The following TBRG4 variants were observed in gnomAD, a reference collection of about 807,000 sequenced individuals.
TBRG4 encodes FAST kinase domain-containing protein 4.
In TBRG4, 43 loss-of-function variants were observed where a neutral mutation model predicts 65.6. The ratio of observed to expected loss-of-function variants is 0.66; its 90% CI spans 0.51 to 0.85. The LOEUF (loss-of-function observed/expected upper bound fraction) is 0.85. Among genes scored for constraint, TBRG4 ranks in the 40% least tolerant of loss-of-function variants. The pLI is 0.00. For synonymous variants in TBRG4, 366 were observed against 341.4 expected (o/e 1.07, Z -0.79); for missense variants, 709 against 787.9 (o/e 0.90, Z 1.20).
At chr7:45,109,690 G>C (rs1387546335) in intron 1 of TBRG4, among the ~76,000 whole-genome samples, 1 of 151,844 alleles carries the variant, frequency 6.6e-6, no homozygotes, top group African/African-American at 2.4e-5. Context: ...AAAAATTACG[G>C]GCTTGGCCAG....
At chr7:45,109,970 C>CA (rs11311938) in intron 1 of TBRG4, among the ~76,000 whole-genome samples, 27,655 of 107,772 alleles carry the variant, frequency 0.26, 3,505 homozygotes, top group Middle Eastern at 0.36. Context: ...GACTCCATCT[C>CA]AAAAAAAAAA....
In TBRG4 at chr7:45,109,270, A is replaced by G; in HGVS notation, c.-33T>C. 6.5e-7 allele frequency: 1 copy of G among 1,537,118 alleles called. No individual in the cohort carries two copies. On this transcript the variant is annotated 5_prime_UTR_variant, in exon 2 of 11. It removes the in-frame stop codon of an upstream open reading frame in the 5' UTR. Transcript: ENST00000258770. ...TGGGTGGCAGAGAGACAAGACTCCT[A>G]GCAAGTGATTCCAAACCCTGAAGAG... is the stretch of plus-strand genomic sequence containing the variant.
At chr7:45,104,287 C>T in intron 4 of TBRG4, 31 bp from the exon 5 acceptor site, 1 of 1,612,674 alleles carries the variant, frequency 6.2e-7, no homozygotes, top group African/African-American at 1.3e-5. Flanking sequence ...CAGGGTTTAG[C>T]TGGAGAGAGT....
chr7:45,102,166 C>A (rs1368050485), intron 7 of TBRG4, 96 bp from the exon 8 acceptor site: 3 of 1,530,110 alleles, frequency 2.0e-6, no homozygotes, highest in Admixed American at 2.1e-5. Flanking sequence ...CCAGTCCCAG[C>A]CCAGTTTTCT....
intron 2 of TBRG4, among the ~76,000 whole-genome samples, chr7:45,108,156 G>C (rs1370859041): frequency 6.6e-6 from 1 of 152,198 alleles, no homozygotes; most frequent in African/African-American, 2.4e-5. Context: ...CTGGAAACAT[G>C]GTTTCAGTGC....
chr7:45,101,160 T>A, intron 10 of TBRG4, 98 bp downstream of exon 10: 1 of 1,189,454 alleles, frequency 8.4e-7, no homozygotes, highest in South Asian at 1.5e-5. Context: ...GGGCAGGGCA[T>A]GTGTCTATAC....
intron 8 of TBRG4, 52 bp downstream of exon 8, chr7:45,101,773 C>T (rs1784772122): frequency 6.3e-7 from 1 of 1,599,232 alleles, no homozygotes; most frequent in Non-Finnish European, 8.5e-7. Flanking sequence ...TAGAAGAGTC[C>T]CGTTAGACTC....
intron 5 of TBRG4, chr7:45,103,760 T>C (rs2128644925): frequency 3.9e-6 from 2 of 518,354 alleles, no homozygotes; most frequent in South Asian, 5.0e-5. Flanking sequence ...AGGTGTCATC[T>C]TTCTGTACAG....
At chr7:45,104,031 A>G in intron 5 of TBRG4, 68 bp downstream of exon 5, 1 of 1,479,674 alleles carries the variant, frequency 6.8e-7, no homozygotes, top group Non-Finnish European at 9.0e-7. Context: ...TTTCCCGACT[A>G]AGGCAATGGT....
In TBRG4 at chr7:45,111,682, C is replaced by T. The variant is rs1012031000; in HGVS notation, c.-90G>A. 3.9e-6 allele frequency: 5 copies of T among 1,289,434 alleles called. No homozygotes were observed. In the Admixed American group the frequency reaches 9.2e-5, roughly 24 times the overall value. The allele number at this position is 1,289,434 out of a possible 1,614,324, so 79.9% of individuals were successfully genotyped here. A position where few individuals can be genotyped will look rare whatever the true frequency, so the allele number is the denominator to read the frequency against. On this transcript the variant is annotated 5_prime_UTR_variant, in exon 1 of 11. Transcript: ENST00000258770. ...CGCTGACCTCCATCCGCCGCCCTAA[C>T]TGTCCCCGGAACCATGAGGTGCGCG...
chr7:45,101,298 G>A lies in TBRG4; in HGVS notation c.1754C>T (p.Ala585Val). 1.2e-6 allele frequency: 2 copies of A among 1,613,998 alleles called. No individual in the cohort carries two copies. The highest frequency in any genetic ancestry group is 1.7e-5 in the Admixed American group (1 of 60,036). The change falls in exon 10 of 11, where the codon GCC (alanine) becomes GTC (valine). Residue 585 changes from alanine (A) to valine (V), a missense_variant. Coordinates refer to ENST00000258770, the MANE Select transcript of TBRG4 (RefSeq NM_004749.4). ...GCCTGCAGCCACTATGTGTCGCCGG[G>A]CCAGAACAAAGCGACCCAGCAAGTC... Reference protein sequence around the residue: ...SKDLLGRFVLARRHIVAAGFL... With the variant: ...SKDLLGRFVLVRRHIVAAGFL...
intron 2 of TBRG4, chr7:45,106,173 A>G (rs1472287240): frequency 6.9e-6 from 3 of 435,204 alleles, no homozygotes; most frequent in Non-Finnish European, 1.4e-5. Flanking sequence ...CTGATCCTCT[A>G]GGCTACAATA....
chr7:45,109,965 C>T (rs1785079149), intron 1 of TBRG4, among the ~76,000 whole-genome samples: 1 of 80,306 alleles, frequency 1.2e-5, no homozygotes, highest in African/African-American at 4.8e-5. Flanking sequence ...TGAGAGACTC[C>T]ATCTCAAAAA....
At chr7:45,107,738 A>G (rs1379998688) in intron 2 of TBRG4, 1 of 154,632 alleles carries the variant, frequency 6.5e-6, no homozygotes, top group East Asian at 1.9e-4. Context: ...TACTTGCCTT[A>G]TAATTTTGTT....
Position 45,102,444 on chromosome 7 carries a change from C to G in TBRG4, c.1224G>C (p.Leu408=). Residue 408 remains leucine (L), a synonymous_variant, in exon 7 of 11, where the codon CTG becomes CTC. Transcript: ENST00000258770. ...GSELPGLEPA[L]QVDLVWALCV... ...ACAGGGCCCACACCAGGTCCACCTG[C>G]AGGGCTGGCTCCAGGCCTGGCAGCT... The G allele has an allele frequency of 6.2e-7, 1 of 1,613,494 alleles. No homozygotes were observed. The highest frequency in any genetic ancestry group is 8.5e-7 in the Non-Finnish European group (1 of 1,180,018).
At chr7:45,103,848 C>A in intron 5 of TBRG4, 1 of 577,638 alleles carries the variant, frequency 1.7e-6, no homozygotes, top group Non-Finnish European at 3.0e-6. Flanking sequence ...ATGCTGCTAC[C>A]TGCTACAGCT....
intron 7 of TBRG4, 24 bp from the exon 8 acceptor site, chr7:45,102,094 G>C (rs1371614213): frequency 6.4e-7 from 1 of 1,564,284 alleles, no homozygotes; most frequent in Non-Finnish European, 8.6e-7. Context: ...AGAAAGAAGA[G>C]GGAGGTGGGC....
intron 1 of TBRG4, among the ~76,000 whole-genome samples, chr7:45,110,468 C>A (rs1481684332): frequency 6.6e-6 from 1 of 152,030 alleles, no homozygotes; most frequent in Non-Finnish European, 1.5e-5. Context: ...AGATCGAGAC[C>A]ATCCTGGCTA....
chr7:45,102,066 GC>G lies in TBRG4; in HGVS notation c.1325del (p.Gly442AlafsTer48). 6.4e-7 allele frequency: 1 copy of G among 1,569,142 alleles called. No individual in the cohort carries two copies. Among genetic ancestry groups the G allele is most frequent in the Non-Finnish European group, 8.6e-7 (1 of 1,164,670 alleles). On this transcript the variant is annotated frameshift_variant, in exon 8 of 11. Coordinates refer to ENST00000258770, the MANE Select transcript of TBRG4 (RefSeq NM_004749.4). LOFTEE classifies it high-confidence loss of function. The part of the protein sequence containing the change: ...HPEFHIQFLG[G>X]KSQKDQNTFQ... ...AGGTGTTCTGATCCTTCTGAGACTT[GC>G]CCCCTAGGAGACAAGGAGAAAGAAG...
Sources: allele counts gnomAD v4.1 joint callset (sites outside exome capture counted in the v4.1 genomes callset), GRCh38; gene constraint gnomAD v4.1.1; transcripts MANE v1.5; gene names NCBI Gene and HGNC (gene_info 2026-07-23, HGNC 2026-07-21).